Variants in CCSER1 observed in about 807,000 individuals in gnomAD.
CCSER1 encodes serine-rich coiled-coil domain-containing protein 1.
In CCSER1, 41 loss-of-function variants were observed where a neutral mutation model predicts 82.0. That is an observed-to-expected ratio of 0.50 (90% CI 0.39 to 0.65). The LOEUF (loss-of-function observed/expected upper bound fraction) is 0.65. CCSER1 is among the 30% of genes least tolerant of loss of function. The pLI, the probability that CCSER1 is intolerant of heterozygous loss-of-function variation, is 0.00. For missense variants in CCSER1, 1,119 were observed against 1,064.2 expected, an observed-to-expected ratio of 1.05 and a Z score of -0.72; for synonymous variants, 414 against 383.9, an observed-to-expected ratio of 1.08 and a Z score of -0.92.
intron 10 of CCSER1, among the ~76,000 whole-genome samples, chr4:91,360,052 A>G (rs960903042): frequency 1.2e-4 from 18 of 152,026 alleles, no homozygotes; most frequent in African/African-American, 4.1e-4. Flanking sequence ...CTCATCCCAC[A>G]ATCCAAGCTA....
intron 10 of CCSER1, among the ~76,000 whole-genome samples, chr4:91,371,887 C>T (rs997581341): frequency 2.0e-5 from 3 of 151,986 alleles, no homozygotes; most frequent in African/African-American, 7.3e-5. Context: ...GATCCCAAGA[C>T]TTTATAAAAA....
At chr4:91,579,555 T>A (rs1763631194) in intron 10 of CCSER1, among the ~76,000 whole-genome samples, 1 of 151,864 alleles carries the variant, frequency 6.6e-6, no homozygotes, top group East Asian at 1.9e-4. Context: ...TCTCAGAGAA[T>A]AAGCTAGAAT....
At chr4:91,037,589 TTC>T (rs1741562556) in intron 9 of CCSER1, among the ~76,000 whole-genome samples, 1 of 149,538 alleles carries the variant, frequency 6.7e-6, no homozygotes, top group Non-Finnish European at 1.5e-5. Flanking sequence ...CTTTTCCTTC[TTC>T]TCTCTCCTTC....
chr4:91,193,555 G>T, intron 10 of CCSER1, among the ~76,000 whole-genome samples: 1 of 152,092 alleles, frequency 6.6e-6, no homozygotes, highest in South Asian at 2.1e-4. Context: ...ATATTTATCA[G>T]CATTACTGTA....
At chr4:91,556,069 G>A (rs1360216559) in intron 10 of CCSER1, among the ~76,000 whole-genome samples, 5 of 151,220 alleles carry the variant, frequency 3.3e-5, no homozygotes, top group East Asian at 3.9e-4. Context: ...TAAATGAAAC[G>A]TGCCTTAGCA....
At chr4:90,890,252 A>G (rs1722761824) in intron 8 of CCSER1, among the ~76,000 whole-genome samples, 1 of 152,132 alleles carries the variant, frequency 6.6e-6, no homozygotes, top group Non-Finnish European at 1.5e-5. Context: ...CGCTTCCTAG[A>G]TATGTGTCTA....
chr4:90,865,227 A>T (rs1196670005), intron 8 of CCSER1, among the ~76,000 whole-genome samples: 2 of 152,032 alleles, frequency 1.3e-5, no homozygotes, highest in Non-Finnish European at 2.9e-5. Flanking sequence ...CAGGCTAGAA[A>T]TTGTCTTCAG....
chr4:90,616,681 TCTCACACA>T (rs1217811875), intron 5 of CCSER1, among the ~76,000 whole-genome samples: 1 of 118,086 alleles, frequency 8.5e-6, no homozygotes. Context: ...TGTGGCTCTG[TCTCACACA>T]CACACACACA....
intron 6 of CCSER1, among the ~76,000 whole-genome samples, chr4:90,716,062 A>G (rs114484137): frequency 0.012 from 1,867 of 151,322 alleles, 17 homozygotes; most frequent in Non-Finnish European, 0.02. Flanking sequence ...ATAATAATAT[A>G]TATATTACCC....
rs374767031 is a variant in CCSER1, at chr4:90,902,830, TGACCAAGTGGGATATGGCA to T, written c.2095-20538_2095-20520del. 1.2e-3 allele frequency among the ~76,000 whole-genome samples: 186 copies of T among 152,118 alleles called. 1 individual carries two copies. Among genetic ancestry groups the T allele is most frequent in the African/African-American group, 4.1e-3 (171 of 41,520 alleles). ...TGATGATGAGTGGAAGCACCTGCCC[TGACCAAGTGGGATATGGCA>T]GGCAGAGATCCTGTTGGGTGTATTG... On this transcript the variant is annotated intron_variant, in intron 8 of 10. Transcript: ENST00000509176.
intron 10 of CCSER1, among the ~76,000 whole-genome samples, chr4:91,255,757 A>G (rs552062574): frequency 6.6e-6 from 1 of 152,202 alleles, no homozygotes; most frequent in Non-Finnish European, 1.5e-5. Context: ...TGAAGATTTC[A>G]TGGACATTTA....
chr4:90,786,070 A>G, intron 7 of CCSER1, among the ~76,000 whole-genome samples: 1 of 152,146 alleles, frequency 6.6e-6, no homozygotes, highest in Admixed American at 6.6e-5. Context: ...TACAGTCTGA[A>G]TGGGGCTGAG....
intron 10 of CCSER1, among the ~76,000 whole-genome samples, chr4:91,455,327 A>G (rs753267916): frequency 2.0e-5 from 3 of 152,086 alleles, no homozygotes; most frequent in Non-Finnish European, 4.4e-5. Flanking sequence ...TCAAAAATTC[A>G]TATTTTTGGA....
At chr4:91,094,624 G>T (rs1230161666) in intron 10 of CCSER1, among the ~76,000 whole-genome samples, 2 of 152,064 alleles carry the variant, frequency 1.3e-5, no homozygotes. Flanking sequence ...GATCTTCTCT[G>T]GGAACCGGAT....
intron 10 of CCSER1, among the ~76,000 whole-genome samples, chr4:91,566,645 A>G (rs77689843): frequency 0.14 from 21,815 of 152,036 alleles, 1,855 homozygotes; most frequent in African/African-American, 0.24. Context: ...GAATTTATCC[A>G]TCTCTTCTAG....
intron 10 of CCSER1, among the ~76,000 whole-genome samples, chr4:91,158,575 A>G (rs1216059392): frequency 6.6e-6 from 1 of 151,870 alleles, no homozygotes; most frequent in East Asian, 1.9e-4. Context: ...ACGATATTCA[A>G]TGGGAAAATT....
chr4:91,536,694 A>C (rs1761313550), intron 10 of CCSER1, among the ~76,000 whole-genome samples: 1 of 152,102 alleles, frequency 6.6e-6, no homozygotes, highest in Non-Finnish European at 1.5e-5. Flanking sequence ...CTGCCCTATC[A>C]ACAAAATTTG....
At chr4:91,290,894 T>C (rs1436262545) in intron 10 of CCSER1, among the ~76,000 whole-genome samples, 2 of 151,886 alleles carry the variant, frequency 1.3e-5, no homozygotes, top group African/African-American at 2.4e-5. Flanking sequence ...GGGCTAATCC[T>C]AAAACAAAAT....
intron 4 of CCSER1, among the ~76,000 whole-genome samples, chr4:90,424,355 C>T (rs1757232201): frequency 6.6e-6 from 1 of 152,032 alleles, no homozygotes; most frequent in African/African-American, 2.4e-5. Context: ...TGTGAACAGC[C>T]TCCATTTCTC....
Sources: allele counts gnomAD v4.1 joint callset (sites outside exome capture counted in the v4.1 genomes callset), GRCh38; gene constraint gnomAD v4.1.1; transcripts MANE v1.5; gene names NCBI Gene and HGNC (gene_info 2026-07-23, HGNC 2026-07-21).